Variants in NXPE2 observed in about 807,000 individuals in gnomAD.
The protein encoded by NXPE2 is NXPE family member 2.
Under a neutral mutation model 34.4 loss-of-function variants are expected in NXPE2, and 34 were observed. The ratio of observed to expected loss-of-function variants is 0.99; its 90% CI spans 0.75 to 1.31. The LOEUF is 1.31. Among genes scored for constraint, NXPE2 ranks in the 40% most tolerant of loss-of-function variants. NXPE2 has a pLI of 0.00. For synonymous variants in NXPE2, 235 were observed against 231.3 expected (o/e 1.02, Z -0.15); for missense variants, 649 against 672.5 (o/e 0.97, Z 0.39).
chr11:114,694,910 A>T (rs777844852), intron 2 of NXPE2, among the ~76,000 whole-genome samples: 2 of 152,016 alleles, frequency 1.3e-5, no homozygotes, highest in African/African-American at 2.4e-5. Context: ...TTCTGGTCTG[A>T]TAATTTCAAA....
At chr11:114,743,577 T>C in the NXPE2 span, among the ~76,000 whole-genome samples, 1 of 152,154 alleles carries the variant, frequency 6.6e-6, no homozygotes, top group East Asian at 1.9e-4. Context: ...TTTTTGAGTT[T>C]AATAATGTAG....
chr11:114,614,964 A>AG, the NXPE2 span, among the ~76,000 whole-genome samples: 1 of 150,584 alleles, frequency 6.6e-6, no homozygotes, highest in Non-Finnish European at 1.5e-5. Flanking sequence ...CCTGGTGGAT[A>AG]AGTATTGCCT....
chr11:114,531,549 C>T, the NXPE2 span, among the ~76,000 whole-genome samples: 1 of 152,278 alleles, frequency 6.6e-6, no homozygotes, highest in South Asian at 2.1e-4. Flanking sequence ...CCAACTTAAC[C>T]CCCTTCAATG....
the NXPE2 span, among the ~76,000 whole-genome samples, chr11:114,666,924 A>G: frequency 2.0e-5 from 3 of 152,182 alleles, no homozygotes; most frequent in African/African-American, 4.8e-5. Flanking sequence ...ATATACATAA[A>G]AAACACCCCT....
chr11:114,787,836 G>A, the NXPE2 span, among the ~76,000 whole-genome samples: 7 of 152,110 alleles, frequency 4.6e-5, no homozygotes, highest in African/African-American at 1.7e-4. Flanking sequence ...CTCTGCCCGT[G>A]TCCATCCCCC....
the NXPE2 span, chr11:114,580,332 G>A: frequency 6.2e-7 from 1 of 1,613,532 alleles, no homozygotes; most frequent in South Asian, 1.1e-5. Flanking sequence ...CATTGCAACT[G>A]TTTCTTCTGC....
chr11:114,570,922 CA>C, the NXPE2 span: 1 of 1,529,630 alleles, frequency 6.5e-7, no homozygotes, highest in East Asian at 2.4e-5. Context: ...GAATGAATTT[CA>C]GACTTTTGTG....
the NXPE2 span, among the ~76,000 whole-genome samples, chr11:114,770,581 T>A: frequency 6.6e-6 from 1 of 152,256 alleles, no homozygotes; most frequent in African/African-American, 2.4e-5. Flanking sequence ...TAATGCTGTT[T>A]ATCACCAAAT....
At chr11:114,714,185 G>A in the NXPE2 span, among the ~76,000 whole-genome samples, 1 of 152,186 alleles carries the variant, frequency 6.6e-6, no homozygotes, top group Non-Finnish European at 1.5e-5. Flanking sequence ...CTTCTTGCCA[G>A]TGCTTTGTGT....
At chr11:114,740,299 A>G in the NXPE2 span, among the ~76,000 whole-genome samples, 1 of 152,186 alleles carries the variant, frequency 6.6e-6, no homozygotes, top group Non-Finnish European at 1.5e-5. Context: ...AGAGGGAGTA[A>G]GTGGAGCCTA....
At chr11:114,639,267 G>A in the NXPE2 span, among the ~76,000 whole-genome samples, 26 of 152,150 alleles carry the variant, frequency 1.7e-4, no homozygotes, top group Admixed American at 6.5e-4. Flanking sequence ...AGGACCCTCC[G>A]AGCCAGGTGC....
the NXPE2 span, among the ~76,000 whole-genome samples, chr11:114,746,183 CATA>C: frequency 6.6e-6 from 1 of 151,992 alleles, no homozygotes; most frequent in Admixed American, 6.6e-5. Flanking sequence ...CAAACTGTCT[CATA>C]ATTTTTCGCA....
chr11:114,557,955 GTTACC>G, the NXPE2 span, among the ~76,000 whole-genome samples: 1 of 151,806 alleles, frequency 6.6e-6, no homozygotes, highest in Non-Finnish European at 1.5e-5. Flanking sequence ...CTTTGAATAT[GTTACC>G]TCATTTTCCT....
At chr11:114,475,099 G>A in the NXPE2 span, among the ~76,000 whole-genome samples, 1 of 151,784 alleles carries the variant, frequency 6.6e-6, no homozygotes, top group African/African-American at 2.4e-5. Flanking sequence ...AACATCACTT[G>A]CCTTCTCATC....
chr11:114,535,206 C>T, the NXPE2 span, among the ~76,000 whole-genome samples: 6 of 146,504 alleles, frequency 4.1e-5, no homozygotes, highest in African/African-American at 7.4e-5. Flanking sequence ...AGGAGAAATA[C>T]AATACTTTAC....
At chr11:114,498,912 G>A in the NXPE2 span, among the ~76,000 whole-genome samples, 1 of 151,994 alleles carries the variant, frequency 6.6e-6, no homozygotes, top group African/African-American at 2.4e-5. Flanking sequence ...AAATGAATTG[G>A]AAGTGTGCCA....
the NXPE2 span, among the ~76,000 whole-genome samples, chr11:114,637,688 G>C: frequency 6.6e-6 from 1 of 150,928 alleles, no homozygotes; most frequent in East Asian, 1.9e-4. Context: ...GCATTTGCTT[G>C]TCTGTAAAGT....
the NXPE2 span, among the ~76,000 whole-genome samples, chr11:114,547,537 C>G: frequency 6.6e-6 from 1 of 152,082 alleles, no homozygotes; most frequent in Non-Finnish European, 1.5e-5. Flanking sequence ...GAGTTTGAGA[C>G]CAGCCTGGCC....
the NXPE2 span, among the ~76,000 whole-genome samples, chr11:114,806,947 T>G: frequency 6.6e-6 from 1 of 152,118 alleles, no homozygotes; most frequent in African/African-American, 2.4e-5. Flanking sequence ...GAGAGAAAAG[T>G]CGGGTTACCC....
Sources: allele counts gnomAD v4.1 joint callset (sites outside exome capture counted in the v4.1 genomes callset), GRCh38; gene constraint gnomAD v4.1.1; transcripts MANE v1.5; gene names NCBI Gene and HGNC (gene_info 2026-07-23, HGNC 2026-07-21).